NR2C2: variants seen among roughly 807,000 people sequenced by gnomAD.
NR2C2 encodes the protein nuclear receptor subfamily 2 group C member 2.
Under a neutral mutation model 62.9 loss-of-function variants are expected in NR2C2, and 6 were observed. The ratio of observed to expected loss-of-function variants is 0.10; its 90% CI spans 0.05 to 0.19. The LOEUF is 0.19. Among genes scored for constraint, NR2C2 ranks in the 10% least tolerant of loss-of-function variants. NR2C2 has a pLI of 1.00. For missense variants in NR2C2, 479 were observed against 762.7 expected, an observed-to-expected ratio of 0.63 and a Z score of 4.38; for synonymous variants, 272 against 273.8, an observed-to-expected ratio of 0.99 and a Z score of 0.07.
intron 1 of NR2C2, among the ~76,000 whole-genome samples, chr3:14,949,818 G>A (rs952274976): frequency 3.3e-5 from 5 of 152,160 alleles, no homozygotes; most frequent in African/African-American, 1.2e-4. Context: ...CCAGGCTGGA[G>A]TTGAATATAA....
chr3:14,991,390 T>C (rs546384622), intron 1 of NR2C2, among the ~76,000 whole-genome samples: 2 of 152,240 alleles, frequency 1.3e-5, no homozygotes, highest in African/African-American at 2.4e-5. Flanking sequence ...TCTTTGCCCA[T>C]TGGCCCTTCA....
chr3:15,021,333 T>C (rs1400481614), intron 5 of NR2C2, among the ~76,000 whole-genome samples: 1 of 152,190 alleles, frequency 6.6e-6, no homozygotes, highest in African/African-American at 2.4e-5. Context: ...ATATTGCTCC[T>C]GAGGATTACA....
At chr3:14,999,868 T>C (rs1298303463) in intron 1 of NR2C2, among the ~76,000 whole-genome samples, 2 of 152,218 alleles carry the variant, frequency 1.3e-5, no homozygotes, top group African/African-American at 4.8e-5. Flanking sequence ...ATGTCTTGTC[T>C]TTATGCCGGT....
At chr3:15,041,371 T>G (rs1184148912) in intron 13 of NR2C2, among the ~76,000 whole-genome samples, 4 of 152,152 alleles carry the variant, frequency 2.6e-5, no homozygotes. Context: ...GGCAGGTCCC[T>G]TACACCTTCG....
chr3:15,039,304 T>C, intron 13 of NR2C2, 77 bp downstream of exon 13: 1 of 916,770 alleles, frequency 1.1e-6, no homozygotes, highest in Non-Finnish European at 1.8e-6. Flanking sequence ...TAATATAAAT[T>C]ATGTTAACCT....
intron 7 of NR2C2, chr3:15,026,586 A>T (rs1443819934): frequency 6.6e-6 from 1 of 152,242 alleles, no homozygotes; most frequent in Non-Finnish European, 1.5e-5. Flanking sequence ...AAAGGAAATC[A>T]TACAATATAT....
intron 2 of NR2C2, among the ~76,000 whole-genome samples, chr3:15,008,987 G>C (rs527862680): frequency 1.3e-5 from 2 of 152,296 alleles, no homozygotes; most frequent in Admixed American, 6.5e-5. Context: ...TTGGGAGGCC[G>C]AGGTGGACGG....
chr3:15,015,656 A>T (rs180768498), intron 3 of NR2C2, among the ~76,000 whole-genome samples: 3 of 152,344 alleles, frequency 2.0e-5, no homozygotes, highest in East Asian at 3.9e-4. Flanking sequence ...CAGCCAGCTG[A>T]TGAGCAGTCC....
intron 4 of NR2C2, among the ~76,000 whole-genome samples, chr3:15,017,088 C>T (rs1267688752): frequency 3.3e-5 from 5 of 152,218 alleles, no homozygotes; most frequent in Admixed American, 2.6e-4. Flanking sequence ...TTCACAGGAA[C>T]TTTGGGCACT....
chr3:15,001,888 G>C (rs1452655361), intron 1 of NR2C2, among the ~76,000 whole-genome samples: 3 of 152,124 alleles, frequency 2.0e-5, no homozygotes, highest in African/African-American at 7.2e-5. Flanking sequence ...AAAGTGCCAA[G>C]GTTACAGGCT....
chr3:14,994,466 C>CA (rs1160855604), intron 1 of NR2C2, among the ~76,000 whole-genome samples: 1 of 91,634 alleles, frequency 1.1e-5, no homozygotes, highest in Non-Finnish European at 2.0e-5. Flanking sequence ...TTTTTTGAGG[C>CA]AGAGTCTCAC....
At chr3:14,952,444 A>G (rs2039394755) in intron 1 of NR2C2, among the ~76,000 whole-genome samples, 1 of 152,194 alleles carries the variant, frequency 6.6e-6, no homozygotes, top group East Asian at 1.9e-4. Context: ...CTCCTGTACA[A>G]GTATCATCTT....
intron 5 of NR2C2, among the ~76,000 whole-genome samples, chr3:15,022,398 C>CTTTTTTTT (rs71038450): frequency 6.7e-5 from 6 of 89,132 alleles, no homozygotes; most frequent in Admixed American, 1.4e-4. Context: ...CTTTTTCTTT[C>CTTTTTTTT]TTTTTTTTTT....
chr3:14,981,602 C>CAAA (rs927608192), intron 1 of NR2C2, among the ~76,000 whole-genome samples: 1 of 37,642 alleles, frequency 2.7e-5, no homozygotes, highest in Non-Finnish European at 5.1e-5. Flanking sequence ...GGCTCTGTCT[C>CAAA]AAAAAAAAAA....
chr3:15,037,209 T>TTGTGTGTG (rs373045181), intron 11 of NR2C2, among the ~76,000 whole-genome samples: 99 of 130,292 alleles, frequency 7.6e-4, no homozygotes, highest in South Asian at 5.5e-3. Context: ...TGTTTTTTGT[T>TTGTGTGTG]TGTGTGTGTG....
In NR2C2 at chr3:15,045,862, C is replaced by T. The variant is rs972475474; in HGVS notation, c.*2854C>T. The T allele has an allele frequency of 6.6e-6, 1 of 152,266 alleles. No individual in the cohort carries two copies. Among genetic ancestry groups the T allele is most frequent in the Non-Finnish European group, 1.5e-5 (1 of 68,042 alleles). The allele number at this position is 152,266 out of a possible 1,614,324, so 9.4% of individuals were successfully genotyped here. On this transcript the variant is annotated 3_prime_UTR_variant, in exon 14 of 14. Transcript: ENST00000425241. ...TCTACTGGCCTGGCTGCTCCTCCCT[C>T]AATGAGGAGAGGCAGCTGGCTCAGA...
rs1441747071 is a variant in NR2C2 at position 15,043,814 on chromosome 3, T to G, written c.*806T>G. 6.6e-6 allele frequency: 1 copy of G among 152,232 alleles called. No homozygotes were observed. The highest frequency in any genetic ancestry group is 2.4e-5 in the African/African-American group (1 of 41,460). 9.4% of individuals were successfully genotyped at this position (152,232 alleles called of 1,614,324 possible). A position where few individuals can be genotyped will look rare whatever the true frequency, so the allele number is the denominator to read the frequency against. On this transcript the variant is annotated 3_prime_UTR_variant, in exon 14 of 14. Transcript: ENST00000425241. ...GAACCTGGGGTTCTCCTTTGATGAC[T>G]GGTTATCTGAATTGGATTGCAACTA...
chr3:15,001,832 G>T (rs1049159408), intron 1 of NR2C2, among the ~76,000 whole-genome samples: 2 of 152,046 alleles, frequency 1.3e-5, no homozygotes, highest in South Asian at 4.1e-4. Context: ...TGTCCGGACT[G>T]GTCTTAAACT....
In NR2C2 at chr3:15,023,182, T is replaced by C. The variant is rs2125028855; in HGVS notation, c.557-18T>C. 1.2e-6 allele frequency: 2 copies of C among 1,612,452 alleles called. No homozygotes were observed. Among genetic ancestry groups the C allele is most frequent in the African/African-American group, 2.7e-5 (2 of 74,938 alleles). On this transcript the variant is annotated intron_variant, in intron 5 of 13. Transcript: ENST00000425241. ...GGAATTGTTTCTCTAAACACAAATA[T>C]TTATGTTGTGATTTAAGCTGTGCAG...
Sources: allele counts gnomAD v4.1 joint callset (sites outside exome capture counted in the v4.1 genomes callset), GRCh38; gene constraint gnomAD v4.1.1; transcripts MANE v1.5; gene names NCBI Gene and HGNC (gene_info 2026-07-23, HGNC 2026-07-21).